The following ZDHHC20 variants were observed in gnomAD, a reference collection of about 807,000 sequenced individuals.
The protein encoded by ZDHHC20 is zDHHC palmitoyltransferase 20, also known as palmitoyltransferase ZDHHC20.
In ZDHHC20, 43 loss-of-function variants were observed where a neutral mutation model predicts 57.8. That is an observed-to-expected ratio of 0.74 (90% CI 0.58 to 0.96). ZDHHC20 has a LOEUF of 0.96. ZDHHC20 is among the 40% of genes least tolerant of loss of function. The pLI is 0.00. For missense variants in ZDHHC20, 391 were observed against 441.1 expected (o/e 0.89, Z 1.02); for synonymous variants, 157 against 153.0 (o/e 1.03, Z -0.19).
chr13:21,394,261 C>T (rs764201994), intron 7 of ZDHHC20, among the ~76,000 whole-genome samples: 1 of 152,176 alleles, frequency 6.6e-6, no homozygotes, highest in Non-Finnish European at 1.5e-5. Context: ...GGCAGGGACA[C>T]GTATCATGTT....
chr13:21,419,330 A>T (rs1593240088), intron 3 of ZDHHC20, among the ~76,000 whole-genome samples: 1 of 152,350 alleles, frequency 6.6e-6, no homozygotes, highest in Non-Finnish European at 1.5e-5. Context: ...GCTAATGTTA[A>T]ATGTATATAT....
chr13:21,390,969 T>C (rs553329933), intron 8 of ZDHHC20, among the ~76,000 whole-genome samples: 24 of 152,062 alleles, frequency 1.6e-4, no homozygotes, highest in African/African-American at 4.8e-4. Flanking sequence ...TAAGCTGTAA[T>C]TGAGGATATA....
chr13:21,452,241 T>C (rs1416445773), intron 1 of ZDHHC20, among the ~76,000 whole-genome samples: 5 of 39,284 alleles, frequency 1.3e-4, no homozygotes, highest in Non-Finnish European at 3.4e-4. Flanking sequence ...GGGATCTTAA[T>C]GTGCGACAGA....
chr13:21,457,734 G>C (rs1343585424), intron 1 of ZDHHC20, among the ~76,000 whole-genome samples: 1 of 152,120 alleles, frequency 6.6e-6, no homozygotes, highest in Non-Finnish European at 1.5e-5. Context: ...ATAGAACTAG[G>C]GTTTTAACCA....
intron 4 of ZDHHC20, among the ~76,000 whole-genome samples, chr13:21,405,146 A>T (rs1878269949): frequency 6.6e-6 from 1 of 151,938 alleles, no homozygotes; most frequent in South Asian, 2.1e-4. Context: ...TTTTTTTTTT[A>T]AATAATGGAC....
intron 3 of ZDHHC20, among the ~76,000 whole-genome samples, chr13:21,420,119 T>C (rs1231431484): frequency 1.3e-5 from 2 of 152,080 alleles, no homozygotes; most frequent in African/African-American, 2.4e-5. Context: ...AAATCCCGTC[T>C]CTACTGAAAA....
intron 4 of ZDHHC20, among the ~76,000 whole-genome samples, chr13:21,410,506 A>G (rs1879054046): frequency 6.6e-6 from 1 of 152,118 alleles, no homozygotes. Flanking sequence ...TGGGAGTTTT[A>G]TCTATAAGCC....
intron 1 of ZDHHC20, among the ~76,000 whole-genome samples, chr13:21,450,269 C>A (rs747158844): frequency 2.0e-5 from 3 of 152,058 alleles, no homozygotes; most frequent in Non-Finnish European, 2.9e-5. Context: ...TACTTCTCTG[C>A]CGGAAAGGGA....
chr13:21,431,691 G>A (rs1263288475), intron 1 of ZDHHC20, among the ~76,000 whole-genome samples: 13 of 152,214 alleles, frequency 8.5e-5, no homozygotes, highest in Non-Finnish European at 1.8e-4. Context: ...AAAATATGCA[G>A]TGGTATCTTC....
intron 6 of ZDHHC20, among the ~76,000 whole-genome samples, chr13:21,401,200 G>A (rs939003529): frequency 2.6e-5 from 4 of 152,008 alleles, no homozygotes; most frequent in Admixed American, 2.6e-4. Flanking sequence ...AATCACCTGA[G>A]CCCAGAAGGT....
chr13:21,382,284 T>G (rs1241309314), intron 10 of ZDHHC20, among the ~76,000 whole-genome samples: 1 of 152,198 alleles, frequency 6.6e-6, no homozygotes, highest in Non-Finnish European at 1.5e-5. Flanking sequence ...AATATTAATA[T>G]GCTAGCTTAG....
At chr13:21,453,876 T>G (rs1399584531) in intron 1 of ZDHHC20, among the ~76,000 whole-genome samples, 1 of 152,118 alleles carries the variant, frequency 6.6e-6, no homozygotes, top group African/African-American at 2.4e-5. Context: ...GGAAAGGGTC[T>G]TGCTCTGTAA....
chr13:21,419,298 A>C (rs1880372697), intron 3 of ZDHHC20, among the ~76,000 whole-genome samples: 1 of 152,234 alleles, frequency 6.6e-6, no homozygotes, highest in South Asian at 2.1e-4. Context: ...AAAAGCAGGC[A>C]AAAGACTATA....
chr13:21,383,139 A>G (rs1314910442), intron 9 of ZDHHC20, 130 bp from the exon 10 acceptor site: 2 of 826,078 alleles, frequency 2.4e-6, no homozygotes, highest in African/African-American at 1.7e-5. Context: ...AACTCCTAAA[A>G]TTTCTAATTT....
Position 21,382,011 on chromosome 13 carries a change from G to A in ZDHHC20, c.945-462C>T, listed in dbSNP as rs1873515807. 8 of 481,324 alleles carry A rather than the reference G, an allele frequency of 1.7e-5. No individual in the cohort carries two copies. In the Admixed American group the frequency reaches 1.8e-4, roughly 11 times the overall value. 29.8% of individuals were successfully genotyped at this position (481,324 alleles called of 1,614,324 possible). On this transcript the variant is annotated intron_variant, in intron 10 of 12. Coordinates refer to ENST00000400590, the MANE Select transcript of ZDHHC20 (RefSeq NM_001330059.2). ...TTTTTCTAGCTAAAAGATCCAGGGA[G>A]GGAGGGAATGGAGGAAGGAAAGGAA...
At chr13:21,401,554 T>C (rs1377591463) in intron 6 of ZDHHC20, 99 bp downstream of exon 6, 34 of 1,006,668 alleles carry the variant, frequency 3.4e-5, no homozygotes, top group Non-Finnish European at 5.0e-5. Context: ...AATCTTAATA[T>C]CTATGAGTAA....
At chr13:21,435,185 T>C (rs552086876) in intron 1 of ZDHHC20, among the ~76,000 whole-genome samples, 6 of 152,308 alleles carry the variant, frequency 3.9e-5, no homozygotes, top group African/African-American at 1.2e-4. Flanking sequence ...TATGCTTATG[T>C]GTCATTTTCA....
intron 6 of ZDHHC20, among the ~76,000 whole-genome samples, chr13:21,401,370 T>G (rs151172170): frequency 6.6e-6 from 1 of 152,136 alleles, no homozygotes; most frequent in Non-Finnish European, 1.5e-5. Flanking sequence ...ATCTGGGAAG[T>G]TGAGTGGTGT....
At chr13:21,400,229 C>T (rs1877424246) in intron 7 of ZDHHC20, 144 bp downstream of exon 7, 2 of 684,754 alleles carry the variant, frequency 2.9e-6, no homozygotes, top group Non-Finnish European at 4.4e-6. Context: ...AAATTGTAGC[C>T]CTATCTGTCC....
Sources: gnomAD v4.1 joint callset for allele counts (sites outside exome capture counted in the v4.1 genomes callset) on GRCh38, gnomAD v4.1.1 for gene constraint, MANE v1.5 for transcripts, NCBI Gene and HGNC (gene_info 2026-07-23, HGNC 2026-07-21) for gene names.